Variants in IPO11 observed in about 807,000 individuals in gnomAD.
IPO11 encodes the protein importin 11.
IPO11 carries 66 observed loss-of-function variants against 143.2 expected under a neutral mutation model. The ratio of observed to expected loss-of-function variants is 0.46; its 90% confidence interval spans 0.38 to 0.57. The LOEUF is 0.57. Among genes scored for constraint, IPO11 ranks in the 20% least tolerant of loss-of-function variants. IPO11 has a pLI of 0.00. For synonymous variants in IPO11, 385 were observed against 377.8 expected (o/e 1.02, Z -0.22); for missense variants, 1,026 against 1,141.0 (o/e 0.90, Z 1.45).
At chr5:62,550,557 A>T (rs1743353615) in intron 25 of IPO11, 95 bp downstream of exon 25, 2 of 776,162 alleles carry the variant, frequency 2.6e-6, no homozygotes, top group Non-Finnish European at 4.0e-6. Context: ...TTTTCTTGTC[A>T]TTTGGATCAT....
intron 27 of IPO11, chr5:62,581,051 C>T: frequency 6.4e-7 from 1 of 1,550,440 alleles, no homozygotes; most frequent in Non-Finnish European, 8.7e-7. Context: ...TTCATCTTAG[C>T]TTGTGTTTTA....
rs939946299 is a variant in IPO11, at chr5:62,526,316, A to G, written c.2012+59A>G. 6.6e-6 allele frequency: 8 copies of G among 1,204,014 alleles called. No individual in the cohort carries two copies. In the South Asian group the frequency reaches 8.6e-5, roughly 13 times the overall value. The allele number at this position is 1,204,014 out of a possible 1,614,324, so 74.6% of individuals were successfully genotyped here. On this transcript the variant is annotated intron_variant, in intron 21 of 29. Coordinates refer to ENST00000325324, the MANE Select transcript of IPO11 (RefSeq NM_016338.5). ...TTTATTCGTGACCTTTCCTACTCTC[A>G]TGCCAGTAAAGTTAAGGTCATGTAA...
Position 62,518,172 on chromosome 5 carries a change from G to A in IPO11, c.1896+2671G>A, listed in dbSNP as rs750665565. Among the ~76,000 whole-genome samples the A allele has an allele frequency of 7.4e-5, 11 of 149,184 alleles. No homozygotes were observed. The South Asian group carries it at 1.1e-3, about 14-fold the overall frequency. On this transcript the variant is annotated intron_variant, in intron 20 of 29. Coordinates refer to ENST00000325324, the MANE Select transcript of IPO11 (RefSeq NM_016338.5). ...AAAAAAAAAAAAAATTTGGCCAGGC[G>A]CAGTGACTCACGCCTGTAATCCTAG...
At chr5:62,485,962 G>A (rs1561330592) in intron 12 of IPO11, among the ~76,000 whole-genome samples, 2 of 148,000 alleles carry the variant, frequency 1.4e-5, no homozygotes, top group African/African-American at 4.9e-5. Flanking sequence ...TTTAATCTGA[G>A]TTTTTTTTCT....
intron 26 of IPO11, among the ~76,000 whole-genome samples, chr5:62,552,154 G>A (rs1323874538): frequency 2.6e-5 from 4 of 151,848 alleles, no homozygotes; most frequent in African/African-American, 7.3e-5. Flanking sequence ...GACTATATAT[G>A]AGATATTCAA....
chr5:62,611,013 AACTG>A (rs1326349691), intron 29 of IPO11, among the ~76,000 whole-genome samples: 1 of 152,226 alleles, frequency 6.6e-6, no homozygotes, highest in African/African-American at 2.4e-5. Context: ...AAGTTTGATT[AACTG>A]ACTGTTGTAC....
rs189649590 is a variant in IPO11 at position 62,481,348 on chromosome 5, G to C, written c.829-1753G>C. On this transcript the variant is annotated intron_variant, in intron 9 of 29. Coordinates refer to ENST00000325324, the MANE Select transcript of IPO11 (RefSeq NM_016338.5). ...TCCCTGTCTTGTGCCAGTTTTCAAA[G>C]GGAATGCTTCCAGTTTTTGCCCATT... 7.6e-4 allele frequency among the ~76,000 whole-genome samples: 116 copies of C among 152,296 alleles called. 2 individuals are homozygous for C. The East Asian group carries it at 0.021, about 27-fold the overall frequency.
At chr5:62,580,352 T>C in intron 27 of IPO11, 1 of 1,545,062 alleles carries the variant, frequency 6.5e-7, no homozygotes. Context: ...TTAATTTACC[T>C]TAAGTTAGAT....
At chr5:62,479,401 T>C (rs562651399) in intron 9 of IPO11, among the ~76,000 whole-genome samples, 2 of 152,338 alleles carry the variant, frequency 1.3e-5, no homozygotes, top group African/African-American at 4.8e-5. Flanking sequence ...TAAACATACG[T>C]GTGCCTGTGT....
chr5:62,438,666 C>T (rs569889783), intron 2 of IPO11, among the ~76,000 whole-genome samples: 45 of 150,708 alleles, frequency 3.0e-4, no homozygotes, highest in African/African-American at 1.1e-3. Flanking sequence ...GCAGGAGAAT[C>T]GCTTGAACTC....
chr5:62,586,853 A>C (rs1437493820), intron 27 of IPO11, among the ~76,000 whole-genome samples: 1 of 146,452 alleles, frequency 6.8e-6, no homozygotes, highest in Non-Finnish European at 1.5e-5. Context: ...AGTTTCCGAT[A>C]TCTACAATGG....
At chr5:62,581,448 TTG>T (rs1429982489) in intron 27 of IPO11, 3 of 703,672 alleles carry the variant, frequency 4.3e-6, no homozygotes, top group African/African-American at 1.9e-5. Flanking sequence ...TTTTAATAAT[TTG>T]TGAACAGTGT....
At chr5:62,446,982 T>C (rs371524878) in intron 3 of IPO11, among the ~76,000 whole-genome samples, 4 of 150,312 alleles carry the variant, frequency 2.7e-5, no homozygotes, top group Admixed American at 1.3e-4. Flanking sequence ...AAAAAAAAAA[T>C]CAACTTTGTG....
At chr5:62,434,537 C>T (rs1048819345) in intron 1 of IPO11, among the ~76,000 whole-genome samples, 2 of 152,024 alleles carry the variant, frequency 1.3e-5, no homozygotes, top group African/African-American at 2.4e-5. Context: ...TGGGCTCAGG[C>T]GATCTGTCTG....
At chr5:62,487,904 C>T (rs1272957615) in intron 13 of IPO11, 43 bp downstream of exon 13, 7 of 1,532,578 alleles carry the variant, frequency 4.6e-6, no homozygotes, top group South Asian at 3.5e-5. Flanking sequence ...ATCTCTTTAA[C>T]GTTTAGTTAA....
In IPO11 at chr5:62,449,724, G is replaced by T. The variant is rs1744842001; in HGVS notation, c.240-203G>T. On this transcript the variant is annotated intron_variant, in intron 3 of 29. Transcript: ENST00000325324. Reference sequence around the variant, plus strand: ...TTATTCATTTACCAGAACCAATTAGGGACAGTTGTTTAGAAAACTTTTTAT... The same window carrying T: ...TTATTCATTTACCAGAACCAATTAGTGACAGTTGTTTAGAAAACTTTTTAT... 7.5e-6 allele frequency: 3 copies of T among 399,990 alleles called. No homozygotes were observed. In the Admixed American group the frequency reaches 1.3e-4, roughly 18 times the overall value. The allele number at this position is 399,990 out of a possible 1,614,324, so 24.8% of individuals were successfully genotyped here.
At chr5:62,476,434 G>A (rs1745959155) in intron 8 of IPO11, among the ~76,000 whole-genome samples, 2 of 152,078 alleles carry the variant, frequency 1.3e-5, no homozygotes, top group Non-Finnish European at 1.5e-5. Flanking sequence ...ATGATTCATT[G>A]CTAAAACGAC....
At chr5:62,455,655 T>A (rs1001211620) in intron 5 of IPO11, among the ~76,000 whole-genome samples, 1 of 152,218 alleles carries the variant, frequency 6.6e-6, no homozygotes, top group African/African-American at 2.4e-5. Context: ...TCCTCTGTGT[T>A]AAAATAAGTT....
chr5:62,626,570 C>T (rs2112490424), intron 29 of IPO11, among the ~76,000 whole-genome samples: 1 of 151,928 alleles, frequency 6.6e-6, no homozygotes, highest in Admixed American at 6.6e-5. Context: ...TTTCTTTTGT[C>T]ATTGTTATCT....
Sources: allele counts gnomAD v4.1 joint callset (sites outside exome capture counted in the v4.1 genomes callset), GRCh38; gene constraint gnomAD v4.1.1; transcripts MANE v1.5; gene names NCBI Gene and HGNC (gene_info 2026-07-23, HGNC 2026-07-21).